The following PALM2AKAP2 variants were observed in gnomAD, a reference collection of about 807,000 sequenced individuals.
PALM2AKAP2 encodes the protein PALM2 and AKAP2 fusion, also known as PALM2-AKAP2 fusion protein.
A neutral mutation model predicts 71.5 loss-of-function variants in PALM2AKAP2; 37 were observed. The ratio of observed to expected loss-of-function variants is 0.52; its 90% confidence interval spans 0.40 to 0.68. PALM2AKAP2 has a LOEUF of 0.68. Among genes scored for constraint, PALM2AKAP2 ranks in the 30% least tolerant of loss-of-function variants. The pLI, the probability that PALM2AKAP2 is intolerant of heterozygous loss-of-function variation, is 0.00. For synonymous variants in PALM2AKAP2, 468 were observed against 478.8 expected (o/e 0.98, Z 0.29); for missense variants, 1,224 against 1,191.8 (o/e 1.03, Z -0.40).
At chr9:110,169,735 A>G (rs1486805807) in exon 4 of PALM2AKAP2, 1 of 152,452 alleles carries the variant, frequency 6.6e-6, no homozygotes, top group Non-Finnish European at 1.5e-5. Context: ...CAAATCCTAA[A>G]GATGGGGTGT....
intron 3 of PALM2AKAP2, among the ~76,000 whole-genome samples, chr9:109,907,832 G>A (rs1424073022): frequency 6.6e-6 from 1 of 152,234 alleles, no homozygotes; most frequent in Non-Finnish European, 1.5e-5. Flanking sequence ...AAGTTCTCTT[G>A]AGGAAGAGCA....
chr9:110,003,337 C>T (rs560738113), intron 6 of PALM2AKAP2, among the ~76,000 whole-genome samples: 19 of 152,182 alleles, frequency 1.2e-4, no homozygotes, highest in African/African-American at 3.4e-4. Flanking sequence ...TGTTGTTATG[C>T]GGTTTTGAGT....
intron 3 of PALM2AKAP2, among the ~76,000 whole-genome samples, chr9:109,901,232 C>T (rs949526780): frequency 6.6e-6 from 1 of 152,166 alleles, no homozygotes; most frequent in Non-Finnish European, 1.5e-5. Flanking sequence ...GCTAAATGGG[C>T]AATGTCAGCA....
chr9:109,669,619 T>G (rs1358914), intron 1 of PALM2AKAP2, among the ~76,000 whole-genome samples: 26,768 of 152,056 alleles, frequency 0.18, 2,468 homozygotes, highest in Middle Eastern at 0.31. Context: ...TTCAATTTAT[T>G]TAATAGATAT....
At chr9:109,746,929 C>T (rs557387581) in intron 1 of PALM2AKAP2, among the ~76,000 whole-genome samples, 4 of 151,994 alleles carry the variant, frequency 2.6e-5, no homozygotes, top group Admixed American at 6.5e-5. Flanking sequence ...GAGGGCAGTG[C>T]GTGTGGCAGA....
intron 7 of PALM2AKAP2, among the ~76,000 whole-genome samples, chr9:110,040,019 C>T (rs113132753): frequency 2.1e-4 from 32 of 150,802 alleles, no homozygotes; most frequent in African/African-American, 7.8e-4. Context: ...CAGGAGAATA[C>T]AAAGAAAGGA....
intron 1 of PALM2AKAP2, among the ~76,000 whole-genome samples, chr9:109,660,194 CTT>C (rs1277805445): frequency 6.6e-6 from 1 of 152,080 alleles, no homozygotes; most frequent in East Asian, 1.9e-4. Flanking sequence ...AGCAAAGTAT[CTT>C]TTTTAAAATT....
chr9:109,662,378 C>A (rs148457277), intron 1 of PALM2AKAP2, among the ~76,000 whole-genome samples: 8 of 151,868 alleles, frequency 5.3e-5, no homozygotes, highest in Non-Finnish European at 1.5e-5. Context: ...TAGCCTGAAG[C>A]GCTGTTGAAT....
chr9:109,730,361 A>G (rs1484878952), intron 1 of PALM2AKAP2, among the ~76,000 whole-genome samples: 1 of 152,228 alleles, frequency 6.6e-6, no homozygotes, highest in African/African-American at 2.4e-5. Context: ...CATAAGCATT[A>G]TACTAGGTCA....
intron 1 of PALM2AKAP2, among the ~76,000 whole-genome samples, chr9:109,827,492 C>G (rs1251111288): frequency 6.6e-6 from 1 of 152,070 alleles, no homozygotes; most frequent in Non-Finnish European, 1.5e-5. Context: ...GCCTGTAGTC[C>G]CAGCTACTCA....
chr9:110,122,846 C>T (rs1243751066), intron 1 of PALM2AKAP2, among the ~76,000 whole-genome samples: 1 of 152,138 alleles, frequency 6.6e-6, no homozygotes, highest in Non-Finnish European at 1.5e-5. Flanking sequence ...AGAGTCTACA[C>T]TTAAAGGGTG....
intron 6 of PALM2AKAP2, among the ~76,000 whole-genome samples, chr9:109,935,385 A>G (rs890849577): frequency 3.9e-5 from 6 of 152,196 alleles, no homozygotes; most frequent in Non-Finnish European, 8.8e-5. Context: ...ATAACCCTAA[A>G]TTGACATCTT....
intron 6 of PALM2AKAP2, among the ~76,000 whole-genome samples, chr9:109,992,593 A>T (rs1170328766): frequency 6.6e-6 from 1 of 152,096 alleles, no homozygotes; most frequent in Admixed American, 6.6e-5. Context: ...TAATTTTTGT[A>T]TTCAAAGTAT....
intron 1 of PALM2AKAP2, among the ~76,000 whole-genome samples, chr9:109,722,669 G>T (rs1003077647): frequency 6.6e-6 from 1 of 152,128 alleles, no homozygotes; most frequent in Non-Finnish European, 1.5e-5. Context: ...CTTTTCGTGA[G>T]GCTGAGGTGG....
At chr9:109,898,420 T>C (rs1830254293) in intron 3 of PALM2AKAP2, among the ~76,000 whole-genome samples, 1 of 152,238 alleles carries the variant, frequency 6.6e-6, no homozygotes, top group African/African-American at 2.4e-5. Context: ...ACACATTTTT[T>C]TTCAGAGTGC....
At chr9:109,824,310 T>C (rs1315216453) in intron 1 of PALM2AKAP2, among the ~76,000 whole-genome samples, 1 of 152,218 alleles carries the variant, frequency 6.6e-6, no homozygotes, top group Middle Eastern at 3.2e-3. Flanking sequence ...GTTGTTCCTC[T>C]CAGTCCCCAC....
At chr9:110,030,827 C>A (rs1248842093) in intron 7 of PALM2AKAP2, among the ~76,000 whole-genome samples, 1 of 152,166 alleles carries the variant, frequency 6.6e-6, no homozygotes, top group Non-Finnish European at 1.5e-5. Flanking sequence ...ATACAAGATG[C>A]TTGATTCATT....
chr9:110,060,495 A>G lies in PALM2AKAP2; in HGVS notation c.156+11640A>G, dbSNP rs530377011. Among the ~76,000 whole-genome samples the G allele has an allele frequency of 7.2e-5, 11 of 152,162 alleles. No homozygotes were observed. In the South Asian group the frequency reaches 1.0e-3, roughly 14 times the overall value. On this transcript the variant is annotated intron_variant, in intron 1 of 3. Coordinates refer to ENST00000374525, the Ensembl canonical transcript of PALM2AKAP2. ...GGTCAAGGTCAGGCCCACAGGCCCT[A>G]TTTTTTTCCCCTTGCATTGTTACTG...
chr9:109,676,171 G>T (rs1564109437), intron 1 of PALM2AKAP2, among the ~76,000 whole-genome samples: 1 of 152,162 alleles, frequency 6.6e-6, no homozygotes, highest in African/African-American at 2.4e-5. Flanking sequence ...TAGAGCAAGA[G>T]TTCCTCACTT....
Sources: allele counts gnomAD v4.1 joint callset (sites outside exome capture counted in the v4.1 genomes callset), GRCh38; gene constraint gnomAD v4.1.1; transcripts MANE v1.5; gene names NCBI Gene and HGNC (gene_info 2026-07-23, HGNC 2026-07-21).